The following STPG2 variants were observed in gnomAD, a reference collection of about 807,000 sequenced individuals.
The protein encoded by STPG2 is sperm tail PG-rich repeat containing 2.
STPG2 carries 56 observed loss-of-function variants against 54.2 expected under a neutral mutation model. The ratio of observed to expected loss-of-function variants is 1.03; its 90% CI spans 0.83 to 1.29. The LOEUF is 1.29. Among genes scored for constraint, STPG2 ranks in the 50% most tolerant of loss-of-function variants. The pLI, the probability that STPG2 is intolerant of heterozygous loss-of-function variation, is 0.00. For missense variants in STPG2, 596 were observed against 544.9 expected, an observed-to-expected ratio of 1.09 and a Z score of -0.93; for synonymous variants, 200 against 181.8, an observed-to-expected ratio of 1.10 and a Z score of -0.81.
intron 4 of STPG2, among the ~76,000 whole-genome samples, chr4:97,519,747 G>T (rs953411718): frequency 6.6e-6 from 1 of 151,646 alleles, no homozygotes; most frequent in Non-Finnish European, 1.5e-5. Context: ...ACACTGGTGG[G>T]AACTAGATTA....
intron 5 of STPG2, among the ~76,000 whole-genome samples, chr4:98,055,236 C>G (rs934002193): frequency 6.6e-6 from 1 of 152,062 alleles, no homozygotes; most frequent in Non-Finnish European, 1.5e-5. Context: ...CTAAGAATTT[C>G]AAGACAGCAG....
At chr4:97,634,655 G>T (rs1721441044) in intron 10 of STPG2, among the ~76,000 whole-genome samples, 1 of 151,878 alleles carries the variant, frequency 6.6e-6, no homozygotes, top group Non-Finnish European at 1.5e-5. Context: ...AGGAGCTGAT[G>T]GAGCTGAAAA....
At chr4:97,760,205 T>A (rs574399475) in intron 9 of STPG2, among the ~76,000 whole-genome samples, 1 of 152,202 alleles carries the variant, frequency 6.6e-6, no homozygotes, top group Non-Finnish European at 1.5e-5. Context: ...TAGCTCCAGC[T>A]GCTGAAGTTC....
At chr4:97,838,235 G>T (rs773392779) in intron 9 of STPG2, among the ~76,000 whole-genome samples, 28 of 151,322 alleles carry the variant, frequency 1.9e-4, no homozygotes, top group South Asian at 1.5e-3. Flanking sequence ...AAATAATAGG[G>T]TAAAGAAACT....
intron 5 of STPG2, among the ~76,000 whole-genome samples, chr4:98,088,461 C>T (rs1159698895): frequency 6.6e-6 from 1 of 151,972 alleles, no homozygotes; most frequent in African/African-American, 2.4e-5. Flanking sequence ...TTTTTAGCTT[C>T]TAAAACCCTA....
At chr4:97,445,810 C>A (rs1217580872) in intron 4 of STPG2, among the ~76,000 whole-genome samples, 1 of 152,122 alleles carries the variant, frequency 6.6e-6, no homozygotes, top group Non-Finnish European at 1.5e-5. Flanking sequence ...AAATAATTTT[C>A]TGTTTAGAAT....
At chr4:97,981,833 T>TTTTATATA (rs1342758103) in intron 5 of STPG2, among the ~76,000 whole-genome samples, 2 of 143,390 alleles carry the variant, frequency 1.4e-5, no homozygotes, top group African/African-American at 2.6e-5. Flanking sequence ...TATAAAATGT[T>TTTTATATA]TATATATATA....
chr4:97,520,173 C>T (rs780610361), intron 4 of STPG2, among the ~76,000 whole-genome samples: 1 of 151,886 alleles, frequency 6.6e-6, no homozygotes, highest in Admixed American at 6.6e-5. Flanking sequence ...CAGTGAAAGA[C>T]AGTTGGTGGA....
intron 8 of STPG2, among the ~76,000 whole-genome samples, chr4:97,900,711 G>A (rs1015927373): frequency 2.6e-5 from 4 of 152,060 alleles, no homozygotes; most frequent in African/African-American, 9.7e-5. Flanking sequence ...TTTTAAGTGG[G>A]AGCTAAATGA....
At chr4:97,725,438 G>A (rs1724591081) in intron 9 of STPG2, among the ~76,000 whole-genome samples, 1 of 151,476 alleles carries the variant, frequency 6.6e-6, no homozygotes, top group Non-Finnish European at 1.5e-5. Context: ...AATAGTTTAG[G>A]AAAATATAGA....
chr4:98,031,124 T>C (rs1736583365), intron 5 of STPG2, among the ~76,000 whole-genome samples: 1 of 152,112 alleles, frequency 6.6e-6, no homozygotes, highest in Admixed American at 6.6e-5. Flanking sequence ...AGCCAACTGA[T>C]ATTCAACAAA....
chr4:97,967,335 C>T (rs148082299), intron 7 of STPG2, among the ~76,000 whole-genome samples: 1 of 152,070 alleles, frequency 6.6e-6, no homozygotes, highest in African/African-American at 2.4e-5. Context: ...TATATATGCA[C>T]CCAATACAGG....
chr4:97,677,715 C>G (rs2148975431), intron 10 of STPG2, among the ~76,000 whole-genome samples: 2 of 152,354 alleles, frequency 1.3e-5, no homozygotes, highest in East Asian at 3.9e-4. Flanking sequence ...GAACAACCAT[C>G]TTGAACCGGA....
Position 97,810,947 on chromosome 4 carries a change from T to A in STPG2, c.1204+29826A>T, listed in dbSNP as rs181796882. ...GCATAAAACACATTTTTCCTAAGAA[T>A]TTTTCATCAGGAATTATGATGGTAA... On this transcript the variant is annotated intron_variant, in intron 9 of 10. Coordinates refer to ENST00000295268, the MANE Select transcript of STPG2 (RefSeq NM_174952.3). Among the ~76,000 whole-genome samples the A allele has an allele frequency of 5.8e-3, 885 of 152,282 alleles. 7 individuals carry two copies. The highest frequency in any genetic ancestry group is 3.4e-3 in the Middle Eastern group (1 of 294).
intron 5 of STPG2, among the ~76,000 whole-genome samples, chr4:98,105,269 G>C (rs1233156473): frequency 2.0e-5 from 3 of 152,096 alleles, no homozygotes; most frequent in Non-Finnish European, 4.4e-5. Context: ...TTTAAATTCG[G>C]TTAAAGTTTT....
intron 9 of STPG2, among the ~76,000 whole-genome samples, chr4:97,809,251 G>A (rs1727664413): frequency 6.6e-6 from 1 of 152,082 alleles, no homozygotes; most frequent in Admixed American, 6.6e-5. Flanking sequence ...ATTGTAAAAA[G>A]GAAGGACTAT....
chr4:97,822,478 G>A (rs1470902289), intron 9 of STPG2, among the ~76,000 whole-genome samples: 1 of 152,112 alleles, frequency 6.6e-6, no homozygotes, highest in Non-Finnish European at 1.5e-5. Context: ...CTCATTTAAA[G>A]GTTATCTTTA....
intron 8 of STPG2, among the ~76,000 whole-genome samples, chr4:97,867,439 T>C (rs991876271): frequency 2.6e-5 from 4 of 152,046 alleles, no homozygotes; most frequent in African/African-American, 9.7e-5. Context: ...TCTTATCAGA[T>C]GCATTCTGTA....
intron 8 of STPG2, among the ~76,000 whole-genome samples, chr4:97,870,412 C>CA (rs1729944375): frequency 6.6e-6 from 1 of 150,870 alleles, no homozygotes; most frequent in Non-Finnish European, 1.5e-5. Flanking sequence ...ATTATATGAA[C>CA]AAAACTACAT....
Sources: allele counts gnomAD v4.1 joint callset (sites outside exome capture counted in the v4.1 genomes callset), GRCh38; gene constraint gnomAD v4.1.1; transcripts MANE v1.5; gene names NCBI Gene and HGNC (gene_info 2026-07-23, HGNC 2026-07-21).